The following SLC24A2 variants were observed in gnomAD, a reference collection of about 807,000 sequenced individuals.
SLC24A2 encodes sodium/potassium/calcium exchanger 2.
SLC24A2 carries 36 observed loss-of-function variants against 62.0 expected under a neutral mutation model. The observed-to-expected ratio is 0.58, with a 90% CI of 0.44 to 0.77. The LOEUF is 0.77. Ranked by LOEUF, SLC24A2 falls within the 30% of genes least tolerant of loss-of-function variation. The pLI is 0.00. For missense variants in SLC24A2, 846 were observed against 817.9 expected (o/e 1.03, Z -0.42); for synonymous variants, 358 against 294.0 (o/e 1.22, Z -2.23).
intron 8 of SLC24A2, among the ~76,000 whole-genome samples, chr9:19,548,571 C>A (rs1020003940): frequency 2.6e-5 from 4 of 152,172 alleles, no homozygotes; most frequent in African/African-American, 9.7e-5. Flanking sequence ...ATCCTCTTGC[C>A]AATCTGAGTT....
the SLC24A2 span, among the ~76,000 whole-genome samples, chr9:20,234,617 T>C: frequency 6.6e-6 from 1 of 152,212 alleles, no homozygotes; most frequent in African/African-American, 2.4e-5. Context: ...TTATTCTAGT[T>C]ATCCATTAAT....
chr9:20,189,131 A>C, the SLC24A2 span, among the ~76,000 whole-genome samples: 3 of 146,672 alleles, frequency 2.0e-5, no homozygotes, highest in South Asian at 6.4e-4. Flanking sequence ...AGGAGAAAAC[A>C]TGCTTCCTTC....
At chr9:19,842,133 T>C in the SLC24A2 span, among the ~76,000 whole-genome samples, 2 of 152,206 alleles carry the variant, frequency 1.3e-5, no homozygotes, top group South Asian at 4.1e-4. Flanking sequence ...CTAGGAAGCA[T>C]ACATATTCTA....
the SLC24A2 span, among the ~76,000 whole-genome samples, chr9:20,272,657 TTGAC>T: frequency 6.6e-6 from 1 of 152,168 alleles, no homozygotes; most frequent in Non-Finnish European, 1.5e-5. Flanking sequence ...GGTAAACCAA[TTGAC>T]TGATCAGGCA....
chr9:19,824,995 G>A, the SLC24A2 span, among the ~76,000 whole-genome samples: 1 of 152,088 alleles, frequency 6.6e-6, no homozygotes, highest in Non-Finnish European at 1.5e-5. Context: ...ACAGGGAGGG[G>A]AACATCACAC....
chr9:19,896,973 C>T, the SLC24A2 span, among the ~76,000 whole-genome samples: 3 of 152,058 alleles, frequency 2.0e-5, no homozygotes, highest in Non-Finnish European at 4.4e-5. Context: ...TCTCATTTGG[C>T]GAGTAGGAGT....
chr9:20,288,723 T>C, the SLC24A2 span, among the ~76,000 whole-genome samples: 5 of 138,676 alleles, frequency 3.6e-5, no homozygotes, highest in Admixed American at 3.9e-4. Context: ...GTGCCACTGA[T>C]GGAGTGAGAC....
the SLC24A2 span, among the ~76,000 whole-genome samples, chr9:20,078,408 T>C: frequency 4.0e-4 from 61 of 150,880 alleles, 1 homozygote; most frequent in African/African-American, 1.5e-3. Context: ...CAGAGCCTGA[T>C]TCAGTGGTCA....
At chr9:20,131,633 T>C in the SLC24A2 span, among the ~76,000 whole-genome samples, 1 of 152,148 alleles carries the variant, frequency 6.6e-6, no homozygotes, top group Non-Finnish European at 1.5e-5. Flanking sequence ...TTATTCTTAT[T>C]CCTGTGGGTT....
chr9:19,881,602 G>A, the SLC24A2 span, among the ~76,000 whole-genome samples: 2 of 152,292 alleles, frequency 1.3e-5, no homozygotes, highest in Non-Finnish European at 2.9e-5. Flanking sequence ...CGAGGGCACA[G>A]CAAATTCACA....
chr9:19,825,239 A>C, the SLC24A2 span, among the ~76,000 whole-genome samples: 129,151 of 151,810 alleles, frequency 0.85, 55,860 homozygotes, highest in Non-Finnish European at 0.94. Context: ...CATTGTTTTA[A>C]CCATTGTCTC....
rs560166444 is a variant in SLC24A2 at position 19,756,950 on chromosome 9, G to A, written c.930+28987C>T. On this transcript the variant is annotated intron_variant, in intron 2 of 10. Transcript: ENST00000341998. ...TTAGAGACAATGGTCTGACTCTGTT[G>A]CCCAGGCTGCAGTAAGTGGCACCAT... Among the ~76,000 whole-genome samples the A allele has an allele frequency of 7.4e-5, 8 of 107,516 alleles. No homozygotes were observed. In the East Asian group the frequency reaches 2.1e-3, roughly 28 times the overall value. The allele number at this position is 107,516 out of a possible 152,430, so 70.5% of individuals were successfully genotyped here.
chr9:19,621,725 G>A (rs532622749), intron 3 of SLC24A2, among the ~76,000 whole-genome samples: 2 of 152,224 alleles, frequency 1.3e-5, no homozygotes, highest in East Asian at 1.9e-4. Context: ...CTTATTCTGC[G>A]AAACTGGAAG....
intron 2 of SLC24A2, among the ~76,000 whole-genome samples, chr9:19,724,163 T>C (rs1399979607): frequency 6.6e-6 from 1 of 152,178 alleles, no homozygotes; most frequent in East Asian, 1.9e-4. Context: ...GGAGAAGAAT[T>C]TAAGAGCAAG....
the SLC24A2 span, among the ~76,000 whole-genome samples, chr9:20,147,417 A>T: frequency 6.6e-6 from 1 of 152,146 alleles, no homozygotes; most frequent in Non-Finnish European, 1.5e-5. Context: ...ATAAATGGGC[A>T]ACATAATTAT....
intron 2 of SLC24A2, among the ~76,000 whole-genome samples, chr9:19,714,584 T>C (rs1336404841): frequency 2.0e-5 from 3 of 152,218 alleles, no homozygotes; most frequent in African/African-American, 7.2e-5. Context: ...CCCTTCACTA[T>C]TTGTATGGAG....
chr9:20,094,211 A>G, the SLC24A2 span, among the ~76,000 whole-genome samples: 1 of 152,208 alleles, frequency 6.6e-6, no homozygotes, highest in Non-Finnish European at 1.5e-5. Flanking sequence ...TCTGCATCAC[A>G]TCACAGAAGA....
At chr9:19,582,934 G>C (rs926899462) in intron 5 of SLC24A2, among the ~76,000 whole-genome samples, 1 of 151,794 alleles carries the variant, frequency 6.6e-6, no homozygotes, top group Non-Finnish European at 1.5e-5. Context: ...CACCCAACCA[G>C]CACCAAGTCA....
chr9:20,203,383 T>C, the SLC24A2 span, among the ~76,000 whole-genome samples: 1 of 152,188 alleles, frequency 6.6e-6, no homozygotes, highest in African/African-American at 2.4e-5. Flanking sequence ...AATTTGCTCT[T>C]AATTCAGCTC....
Sources: allele counts gnomAD v4.1 joint callset (sites outside exome capture counted in the v4.1 genomes callset), GRCh38; gene constraint gnomAD v4.1.1; transcripts MANE v1.5; gene names NCBI Gene and HGNC (gene_info 2026-07-23, HGNC 2026-07-21).